The following ABCC2 variants were observed in gnomAD, a reference collection of about 807,000 sequenced individuals.
ABCC2 encodes ATP-binding cassette sub-family C member 2.
A neutral mutation model predicts 173.4 loss-of-function variants in ABCC2; 157 were observed. The ratio of observed to expected loss-of-function variants is 0.91; its 90% CI spans 0.80 to 1.03. The LOEUF (loss-of-function observed/expected upper bound fraction) is 1.03, where lower values mean the gene tolerates loss of function less well. Among genes scored for constraint, ABCC2 ranks in the 50% least tolerant of loss-of-function variants. The probability of loss-of-function intolerance (pLI) is 0.00; values close to 1 mark genes in which losing one functional copy is unlikely to be tolerated. For synonymous variants in ABCC2, 657 were observed against 693.5 expected, an observed-to-expected ratio of 0.95 and a Z score of 0.83; for missense variants, 1,822 against 1,852.3, an observed-to-expected ratio of 0.98 and a Z score of 0.30.
At position 99,814,177 on chromosome 10, in the gene ABCC2, A is replaced by ATG. The variant is rs1240929004; in HGVS notation, c.2094+1035_2094+1036dup. The stretch of plus-strand genomic sequence containing the variant: ...TGTATACACACGTATATATACACAC[A>ATG]TGTATGTATACACACATGTGTATAT... On this transcript the variant is annotated intron_variant, in intron 16 of 31. Transcript: ENST00000647814. Among the ~76,000 whole-genome samples the ATG allele has an allele frequency of 5.1e-4, 51 of 99,804 alleles. 9 individuals carry two copies. The highest frequency in any genetic ancestry group is 1.6e-3 in the African/African-American group (40 of 24,930). The allele number at this position is 99,804 out of a possible 152,430, so 65.5% of individuals were successfully genotyped here.
At chr10:99,817,622 T>C (rs1159863529) in intron 17 of ABCC2, 138 bp downstream of exon 17, 1 of 981,644 alleles carries the variant, frequency 1.0e-6, no homozygotes, top group African/African-American at 1.6e-5. Flanking sequence ...CCAGAAATCA[T>C]GTGTTTGTAC....
chr10:99,795,384 A>G (rs2037882238), intron 6 of ABCC2, among the ~76,000 whole-genome samples: 1 of 152,230 alleles, frequency 6.6e-6, no homozygotes, highest in South Asian at 2.1e-4. Context: ...AGTTATGAGC[A>G]TAAGTGAGCT....
At chr10:99,849,218 G>A (rs1336247201) in intron 30 of ABCC2, among the ~76,000 whole-genome samples, 1 of 152,274 alleles carries the variant, frequency 6.6e-6, no homozygotes, top group Non-Finnish European at 1.5e-5. Context: ...AGACAAGAGC[G>A]AAACTCCGTC....
At chr10:99,828,537 C>T (rs150093751) in intron 19 of ABCC2, among the ~76,000 whole-genome samples, 152 of 152,326 alleles carry the variant, frequency 1.0e-3, no homozygotes, top group Middle Eastern at 3.4e-3. Flanking sequence ...GGCCTCTCGC[C>T]TAGTTTCCGG....
rs757896583 is a variant in ABCC2, at chr10:99,830,327, G to A, written c.2641G>A (p.Glu881Lys). Residue 881 changes from glutamate to lysine, a missense_variant, in exon 20 of 32, where the codon GAA becomes AAA. Physicochemically the swap from Glu to Lys is moderately conservative, Grantham distance 56. Coordinates refer to ENST00000647814, the MANE Select transcript of ABCC2 (RefSeq NM_000392.5). ...CCTAGTCCATGATGGCAGTGAAGAA[G>A]AAGACGATGACTATGGGCTGATATC... ...EATVHDGSEE[E>K]DDDYGLISSV... The A allele has an allele frequency of 3.7e-6, 6 of 1,614,064 alleles. No individual in the cohort carries two copies. The African/African-American group carries it at 8.0e-5, about 22-fold the overall frequency.
Position 99,814,309 on chromosome 10 carries a change from G to A in ABCC2, c.2094+1165G>A, listed in dbSNP as rs200842890. On this transcript the variant is annotated intron_variant, in intron 16 of 31. Transcript: ENST00000647814. ...TACACACACGTATGTATACACACAT[G>A]TATATACACACGTATGTATACACAC... Among the ~76,000 whole-genome samples, 65 of 43,776 alleles carry A rather than the reference G, an allele frequency of 1.5e-3. 2 individuals are homozygous for A. Among genetic ancestry groups the A allele is most frequent in the Middle Eastern group, 0.026 (2 of 78 alleles). The allele number at this position is 43,776 out of a possible 152,430, so 28.7% of individuals were successfully genotyped here.
intron 19 of ABCC2, among the ~76,000 whole-genome samples, chr10:99,826,373 A>G (rs370146170): frequency 5.1e-4 from 72 of 142,400 alleles, no homozygotes; most frequent in African/African-American, 1.3e-3. Context: ...TGGCGTTTTC[A>G]TATGCCATCA....
At chr10:99,820,367 G>A (rs2038512224) in intron 19 of ABCC2, among the ~76,000 whole-genome samples, 1 of 148,830 alleles carries the variant, frequency 6.7e-6, no homozygotes, top group South Asian at 2.2e-4. Flanking sequence ...CTCCAGCCTG[G>A]GCAACAAGAG....
intron 6 of ABCC2, 67 bp downstream of exon 6, chr10:99,794,535 G>A: frequency 6.9e-7 from 1 of 1,445,840 alleles, no homozygotes; most frequent in Non-Finnish European, 9.6e-7. Context: ...GTGTCAGAAA[G>A]ATTTTTTATT....
At chr10:99,832,173 G>T (rs2038753210) in intron 23 of ABCC2, 42 bp downstream of exon 23, 1 of 1,613,204 alleles carries the variant, frequency 6.2e-7, no homozygotes, top group Admixed American at 1.7e-5. Flanking sequence ...TTTATATACT[G>T]AGGATCTTTC....
At position 99,799,339 on chromosome 10, in the gene ABCC2, A is replaced by G. The variant is rs1590149250; in HGVS notation, c.1000A>G (p.Ile334Val). 6.2e-7 allele frequency: 1 copy of G among 1,614,210 alleles called. No homozygotes were observed. Among genetic ancestry groups the G allele is most frequent in the African/African-American group, 1.3e-5 (1 of 75,062 alleles). ...ATTCCTACTGAAGCTAGTGAATGAC[A>G]TCTTCACGTTTGTGAGTCCTCAGCT... is the stretch of plus-strand genomic sequence containing the variant. ...KSFLLKLVND[I>V]FTFVSPQLLK... Residue 334 changes from isoleucine to valine, a missense_variant, in exon 8 of 32, where the codon ATC becomes GTC. Physicochemically the swap from Ile to Val is conservative, Grantham distance 29 (BLOSUM62 3). Coordinates refer to ENST00000647814, the MANE Select transcript of ABCC2 (RefSeq NM_000392.5).
In ABCC2 at chr10:99,803,912, A is replaced by G. The variant is rs570951237; in HGVS notation, c.1210-107A>G. Reference sequence around the variant, plus strand: ...ACAGTGCCTTGGAGAAGCTGTGTCCATATGGAGCACATCCTTCCATTGTAA... The same window carrying G: ...ACAGTGCCTTGGAGAAGCTGTGTCCGTATGGAGCACATCCTTCCATTGTAA... On this transcript the variant is annotated intron_variant, in intron 9 of 31. Coordinates refer to ENST00000647814, the MANE Select transcript of ABCC2 (RefSeq NM_000392.5). The G allele has an allele frequency of 4.2e-4, 601 of 1,445,032 alleles. No homozygotes were observed. In the African/African-American group the frequency reaches 7.1e-3, roughly 17 times the overall value. The allele number at this position is 1,445,032 out of a possible 1,614,324, so 89.5% of individuals were successfully genotyped here.
chr10:99,795,346 A>G (rs2037881273), intron 6 of ABCC2, among the ~76,000 whole-genome samples: 1 of 152,186 alleles, frequency 6.6e-6, no homozygotes, highest in Non-Finnish European at 1.5e-5. Flanking sequence ...TCTAGTGATG[A>G]GTCTAATAAT....
rs1279829910 is a variant in ABCC2 at position 99,836,071 on chromosome 10, TCTTTA to T, written c.3415-15_3415-11del. ...CCTCATGACTGCGGGACTGGCTGATTCTTTACTTTTTGTGTCCAGATGTTTTATGT... is the reference window on the plus strand; with the variant it reads ...CCTCATGACTGCGGGACTGGCTGATTCTTTTTGTGTCCAGATGTTTTATGT... On this transcript the variant is annotated splice_polypyrimidine_tract_variant and intron_variant, in intron 24 of 31. Transcript: ENST00000647814. 4.3e-6 allele frequency: 7 copies of T among 1,612,330 alleles called. No homozygotes were observed. Among genetic ancestry groups the T allele is most frequent in the Non-Finnish European group, 5.9e-6 (7 of 1,179,810 alleles).
At chr10:99,844,815 G>A (rs1043568378) in intron 28 of ABCC2, among the ~76,000 whole-genome samples, 1 of 152,128 alleles carries the variant, frequency 6.6e-6, no homozygotes, top group Admixed American at 6.5e-5. Context: ...GAATAGCAGT[G>A]TGGAGGTTGT....
chr10:99,784,823 G>A, intron 2 of ABCC2, 42 bp downstream of exon 2: 2 of 1,602,660 alleles, frequency 1.2e-6, no homozygotes, highest in East Asian at 2.2e-5. Context: ...ATTCCTTGGT[G>A]CACAGTAGAG....
At chr10:99,819,057 G>T (rs375495582) in intron 18 of ABCC2, 32 bp from the exon 19 acceptor site, 23 of 1,612,998 alleles carry the variant, frequency 1.4e-5, no homozygotes, top group Non-Finnish European at 1.8e-5. Flanking sequence ...TGGACATATG[G>T]TAATCAACAC....
At chr10:99,845,887 C>A in intron 29 of ABCC2, 105 bp downstream of exon 29, 2 of 1,252,976 alleles carry the variant, frequency 1.6e-6, no homozygotes, top group Non-Finnish European at 2.3e-6. Context: ...ACTGTCAATT[C>A]CACGGTCTAC....
Position 99,804,103 on chromosome 10 carries a change from A to G in ABCC2, c.1294A>G (p.Met432Val), listed in dbSNP as rs756491798. Reference protein sequence around the residue: ...NLMSVDAQKLMDVTNFMHMLW... With the variant: ...NLMSVDAQKLVDVTNFMHMLW... ...GATGTCTGTGGATGCCCAGAAGCTCATGGATGTGACCAACTTCATGCACAT... is the reference window on the plus strand; with the variant it reads ...GATGTCTGTGGATGCCCAGAAGCTCGTGGATGTGACCAACTTCATGCACAT... The change falls in exon 10 of 32, where the codon ATG becomes GTG. Residue 432 changes from methionine to valine, a missense_variant. Met to Val is a conservative substitution (Grantham distance 21). Transcript: ENST00000647814. The G allele has an allele frequency of 5.0e-6, 8 of 1,614,076 alleles. No homozygotes were observed. In the East Asian group the frequency reaches 1.3e-4, roughly 27 times the overall value.
Sources: gnomAD v4.1 joint callset for allele counts (sites outside exome capture counted in the v4.1 genomes callset) on GRCh38, gnomAD v4.1.1 for gene constraint, MANE v1.5 for transcripts, NCBI Gene and HGNC (gene_info 2026-07-23, HGNC 2026-07-21) for gene names.